SYNJ1: variants seen among roughly 807,000 people sequenced by gnomAD.
The protein encoded by SYNJ1 is synaptojanin 1.
Under a neutral mutation model 168.2 loss-of-function variants are expected in SYNJ1, and 78 were observed. The ratio of observed to expected loss-of-function variants is 0.46; its 90% CI spans 0.39 to 0.56. The LOEUF is 0.56. SYNJ1 is among the 20% of genes least tolerant of loss of function. The pLI, the probability that SYNJ1 is intolerant of heterozygous loss-of-function variation, is 0.00. For missense variants in SYNJ1, 1,303 were observed against 1,597.6 expected, an observed-to-expected ratio of 0.82 and a Z score of 3.14; for synonymous variants, 539 against 548.6, an observed-to-expected ratio of 0.98 and a Z score of 0.24.
chr21:32,672,786 A>G (rs2041256905), intron 14 of SYNJ1, among the ~76,000 whole-genome samples: 1 of 152,244 alleles, frequency 6.6e-6, no homozygotes, highest in African/African-American at 2.4e-5. Context: ...ACCAATAAAT[A>G]TCACAAGTTT....
intron 14 of SYNJ1, 141 bp from the exon 15 acceptor site, chr21:32,670,513 C>T: frequency 3.0e-6 from 2 of 674,630 alleles, no homozygotes; most frequent in South Asian, 2.3e-5. Context: ...AAGGCAAACA[C>T]TCTTGAGTGG....
chr21:32,698,628 T>C (rs528426036), intron 4 of SYNJ1, among the ~76,000 whole-genome samples: 3 of 152,346 alleles, frequency 2.0e-5, no homozygotes, highest in East Asian at 1.9e-4. Flanking sequence ...TCTGCTGCAA[T>C]AGAACAATGC....
rs748154988 is a variant in SYNJ1 at position 32,645,669 on chromosome 21, G to C, written c.3368C>G (p.Pro1123Arg). The C allele has an allele frequency of 5.9e-6, 9 of 1,524,648 alleles. No individual in the cohort carries two copies. Among genetic ancestry groups the C allele is most frequent in the East Asian group, 4.7e-5 (2 of 42,530 alleles). 94.4% of individuals were successfully genotyped at this position (1,524,648 alleles called of 1,614,324 possible). The change falls in exon 25 of 33, where the codon CCA (proline) becomes CGA (arginine). Residue 1123 changes from proline (P) to arginine (R), a missense_variant. Transcript: ENST00000674351. Reference protein sequence around the residue: ...PVAPPTRPAPPQRPPPPSGAR... With the variant: ...PVAPPTRPAPRQRPPPPSGAR... ...ACCTGAAGGCGGAGGAGGTCTCTGT[G>C]GGGGAGCCGGGCGTGTGGGAGGGGC...
At chr21:32,721,063 C>T (rs2043202301) in intron 2 of SYNJ1, among the ~76,000 whole-genome samples, 1 of 152,206 alleles carries the variant, frequency 6.6e-6, no homozygotes, top group South Asian at 2.1e-4. Flanking sequence ...TCTTTTATCT[C>T]TTAATAAATT....
intron 2 of SYNJ1, among the ~76,000 whole-genome samples, chr21:32,713,789 G>T (rs2042925995): frequency 6.6e-6 from 1 of 152,176 alleles, no homozygotes; most frequent in African/African-American, 2.4e-5. Flanking sequence ...TGTCAACATG[G>T]ATGATTTCAT....
chr21:32,638,882 T>C, intron 31 of SYNJ1, 26 bp downstream of exon 31: 1 of 1,567,494 alleles, frequency 6.4e-7, no homozygotes, highest in Non-Finnish European at 8.7e-7. Flanking sequence ...TCAAAGATAA[T>C]ATTTTGTGTA....
chr21:32,657,832 G>A lies in SYNJ1; in HGVS notation c.2345C>T (p.Pro782Leu). Reference sequence around the variant, plus strand: ...AGAAAACAAGTCATACTTATATGTCGGAGCAAAGGTTACCTTTCCTTCTAA... The same window carrying A: ...AGAAAACAAGTCATACTTATATGTCAGAGCAAAGGTTACCTTTCCTTCTAA... ...GFLEGKVTFA[P>L]TYKYDLFSDD... The change falls in exon 19 of 33, where the codon CCG becomes CTG. Residue 782 changes from proline to leucine, a missense_variant. By Grantham distance (98) the Pro-to-Leu change is moderately conservative. Transcript: ENST00000674351. The A allele has an allele frequency of 1.2e-6, 2 of 1,613,434 alleles. No individual in the cohort carries two copies. The highest frequency in any genetic ancestry group is 1.7e-6 in the Non-Finnish European group (2 of 1,179,802).
At chr21:32,645,893 TG>T (rs1456026171) in intron 24 of SYNJ1, 104 bp from the exon 25 acceptor site, 1 of 1,468,332 alleles carries the variant, frequency 6.8e-7, no homozygotes, top group Non-Finnish European at 9.3e-7. Flanking sequence ...ATGTGCACAA[TG>T]GTGTAAAGAA....
intron 13 of SYNJ1, 47 bp downstream of exon 13, chr21:32,676,285 A>G: frequency 6.7e-7 from 1 of 1,483,630 alleles, no homozygotes; most frequent in Non-Finnish European, 9.1e-7. Context: ...TTCAGAAAAA[A>G]TAAGAAAAAA....
rs1372258834 is a variant in SYNJ1 at position 32,650,319 on chromosome 21, A to C, written c.2902T>G (p.Leu968Val). The change falls in exon 23 of 33, where the codon TTA becomes GTA. Residue 968 changes from leucine (L) to valine (V), a missense_variant. Coordinates refer to ENST00000674351, the MANE Select transcript of SYNJ1 (RefSeq NM_203446.3). ...TTTTTGATCCAGTCTGGACTTTTTA[A>C]AGCAATAGTTATAGTCCGATTCAAT... is the stretch of plus-strand genomic sequence containing the variant. ...ELLNRTITIALKSPDWIKNLE... is the reference protein window; with the variant it reads ...ELLNRTITIAVKSPDWIKNLE... The C allele has an allele frequency of 6.2e-7, 1 of 1,612,742 alleles. No homozygotes were observed. The highest frequency in any genetic ancestry group is 1.3e-5 in the African/African-American group (1 of 74,852).
chr21:32,726,406 C>T (rs372513935), intron 2 of SYNJ1, among the ~76,000 whole-genome samples: 2 of 152,076 alleles, frequency 1.3e-5, no homozygotes, highest in African/African-American at 4.8e-5. Context: ...TTAGATAATA[C>T]CTACTACTAT....
rs749980859 is a variant in SYNJ1 at position 32,681,558 on chromosome 21, C to T, written c.1291G>A (p.Val431Met). The part of the protein sequence containing the change: ...FQEVFRSMWS[V>M]NGDSISKIYA... ...ATCTTACTGATTGAATCACCATTCA[C>T]GGACCACATTGACCGAAAAACTTCT... The change falls in exon 11 of 33, where the codon GTG (valine) becomes ATG (methionine). Residue 431 changes from valine to methionine, a missense_variant. Coordinates refer to ENST00000674351, the MANE Select transcript of SYNJ1 (RefSeq NM_203446.3). 6.2e-6 allele frequency: 10 copies of T among 1,613,722 alleles called. No individual in the cohort carries two copies. Among genetic ancestry groups the T allele is most frequent in the South Asian group, 1.1e-5 (1 of 91,064 alleles).
At chr21:32,700,138 A>G in intron 3 of SYNJ1, 33 bp from the exon 4 acceptor site, 1 of 1,559,882 alleles carries the variant, frequency 6.4e-7, no homozygotes, top group Non-Finnish European at 8.7e-7. Context: ...TGGATGAAAA[A>G]TCCCAACATT....
Position 32,678,647 on chromosome 21 carries a change from C to T in SYNJ1, c.1508G>A (p.Arg503His), listed in dbSNP as rs756697570. The change falls in exon 12 of 33, where the codon CGT becomes CAT. Residue 503 changes from arginine (R) to histidine (H), a missense_variant and splice_region_variant. By Grantham distance (29) the Arg-to-His change is conservative. Coordinates refer to ENST00000674351, the MANE Select transcript of SYNJ1 (RefSeq NM_203446.3). ...ARALLTTGSL[R>H]VSEQTLQSAS... is the part of the protein sequence containing the mutation. ...AATAAAATATAAAGTGCACATACCA[C>T]GCAAACTTCCAGTAGTTAAAAGTGC... 71 of 1,601,156 alleles carry T rather than the reference C, an allele frequency of 4.4e-5. No individual in the cohort carries two copies. The highest frequency in any genetic ancestry group is 1.7e-4 in the Middle Eastern group (1 of 6,038).
intron 15 of SYNJ1, among the ~76,000 whole-genome samples, chr21:32,668,007 ATATGTG>A (rs1486676015): frequency 3.6e-3 from 347 of 96,086 alleles, no homozygotes; most frequent in African/African-American, 0.014. Context: ...AGAAGAATAT[ATATGTG>A]TGTGTGTGTG....
chr21:32,711,547 G>C (rs1283565225), intron 2 of SYNJ1, among the ~76,000 whole-genome samples: 1 of 152,072 alleles, frequency 6.6e-6, no homozygotes, highest in Non-Finnish European at 1.5e-5. Context: ...GGCCAGGATG[G>C]TCTCGATCTC....
At chr21:32,640,008 A>G (rs1300704671) in intron 29 of SYNJ1, among the ~76,000 whole-genome samples, 1 of 152,192 alleles carries the variant, frequency 6.6e-6, no homozygotes, top group Admixed American at 6.5e-5. Flanking sequence ...TAAGTACTGT[A>G]CAGGCATTTC....
intron 15 of SYNJ1, among the ~76,000 whole-genome samples, chr21:32,666,883 T>C (rs1253930193): frequency 3.3e-5 from 5 of 152,218 alleles, no homozygotes; most frequent in East Asian, 3.8e-4. Context: ...CAGAGAAGTA[T>C]AGAAGTATCT....
rs2039719914 is a variant in SYNJ1, at chr21:32,639,252, G to A, written c.3698-127C>T. 5.8e-6 allele frequency: 5 copies of A among 868,430 alleles called. No homozygotes were observed. The Admixed American group carries it at 1.5e-4, about 25-fold the overall frequency. The allele number at this position is 868,430 out of a possible 1,614,324, so 53.8% of individuals were successfully genotyped here. ...CCCAATAAGTAGCCTCATTTCTTGT[G>A]GTATAATGAAGGAAGGATATAGCTA... On this transcript the variant is annotated intron_variant, in intron 30 of 32. Coordinates refer to ENST00000674351, the MANE Select transcript of SYNJ1 (RefSeq NM_203446.3).
Sources: gnomAD v4.1 joint callset for allele counts (sites outside exome capture counted in the v4.1 genomes callset) on GRCh38, gnomAD v4.1.1 for gene constraint, MANE v1.5 for transcripts, NCBI Gene and HGNC (gene_info 2026-07-23, HGNC 2026-07-21) for gene names.